Variants in CARD8 observed in about 807,000 individuals in gnomAD.
CARD8 encodes the protein caspase recruitment domain family member 8, also known as caspase recruitment domain-containing protein 8.
A neutral mutation model predicts 53.2 loss-of-function variants in CARD8; 38 were observed. The observed-to-expected ratio is 0.71, with a 90% CI of 0.55 to 0.94. The LOEUF (loss-of-function observed/expected upper bound fraction) is 0.94. Among genes scored for constraint, CARD8 ranks in the 40% least tolerant of loss-of-function variants. The pLI is 0.00. For missense variants in CARD8, 561 were observed against 655.5 expected, an observed-to-expected ratio of 0.86 and a Z score of 1.57; for synonymous variants, 245 against 244.9, an observed-to-expected ratio of 1.00 and a Z score of 0.00.
intron 10 of CARD8, among the ~76,000 whole-genome samples, chr19:48,224,604 T>C (rs905752286): frequency 6.6e-6 from 1 of 152,090 alleles, no homozygotes; most frequent in Admixed American, 6.5e-5. Context: ...ACAATAGATA[T>C]TTAGAGTTTG....
At chr19:48,213,654 G>A (rs1010593109) in intron 13 of CARD8, among the ~76,000 whole-genome samples, 1 of 152,196 alleles carries the variant, frequency 6.6e-6, no homozygotes, top group African/African-American at 2.4e-5. Context: ...GATTACAAGT[G>A]TGAGCCACTG....
At chr19:48,228,234 T>C (rs920434800) in intron 10 of CARD8, among the ~76,000 whole-genome samples, 1 of 152,238 alleles carries the variant, frequency 6.6e-6, no homozygotes, top group African/African-American at 2.4e-5. Flanking sequence ...TGGTGAGTTG[T>C]GTAATTATTT....
chr19:48,255,488 T>C (rs9676826), intron 1 of CARD8, among the ~76,000 whole-genome samples: 35,114 of 152,160 alleles, frequency 0.23, 4,168 homozygotes, highest in Middle Eastern at 0.33. Context: ...ACATAAACAT[T>C]GGTATAAAAA....
At chr19:48,236,495 T>C (rs530235395) in intron 5 of CARD8, among the ~76,000 whole-genome samples, 103 of 152,288 alleles carry the variant, frequency 6.8e-4, no homozygotes, top group Non-Finnish European at 1.0e-3. Context: ...ATTACACCTG[T>C]GAGCCACCGC....
chr19:48,242,601 C>T (rs113549264), intron 3 of CARD8: 2 of 152,214 alleles, frequency 1.3e-5, no homozygotes, highest in Non-Finnish European at 2.9e-5. Context: ...ATTCTCTTAT[C>T]CATTCAGCAG....
intron 3 of CARD8, among the ~76,000 whole-genome samples, chr19:48,246,963 C>T (rs1014481516): frequency 4.6e-5 from 7 of 152,186 alleles, no homozygotes; most frequent in Non-Finnish European, 2.9e-5. Flanking sequence ...TGATATACTC[C>T]TATACAAATA....
intron 10 of CARD8, among the ~76,000 whole-genome samples, chr19:48,228,795 G>A (rs2042277938): frequency 6.6e-6 from 1 of 152,102 alleles, no homozygotes; most frequent in Non-Finnish European, 1.5e-5. Context: ...CCCACATAAG[G>A]GAAGAGGGAA....
downstream of CARD8, chr19:48,204,336 T>G: frequency 2.6e-6 from 1 of 378,450 alleles, no homozygotes; most frequent in South Asian, 1.9e-5. Context: ...GCCGGAGGAA[T>G]CAGTCTGCAG....
intron 3 of CARD8, among the ~76,000 whole-genome samples, chr19:48,244,967 C>T (rs1327850826): frequency 1.3e-5 from 2 of 152,060 alleles, no homozygotes; most frequent in Admixed American, 6.6e-5. Context: ...AAAGGATAAC[C>T]TTGTGCTTCA....
chr19:48,204,248 A>G (rs2037258217), downstream of CARD8: 2 of 453,146 alleles, frequency 4.4e-6, no homozygotes, highest in Non-Finnish European at 8.9e-6. Flanking sequence ...GTAACCCTGG[A>G]GTGGAAGGAG....
At chr19:48,216,789 G>C (rs540041506) in intron 12 of CARD8, among the ~76,000 whole-genome samples, 8 of 152,290 alleles carry the variant, frequency 5.3e-5, no homozygotes, top group Non-Finnish European at 1.0e-4. Context: ...TTTAGTGGAA[G>C]ACAATTTTTT....
Position 48,234,413 on chromosome 19 carries a change from C to T in CARD8, c.340G>A (p.Asp114Asn). Residue 114 changes from aspartate (D) to asparagine (N), a missense_variant, in exon 6 of 14, where the codon GAC becomes AAC. Asp to Asn is a conservative substitution (Grantham distance 23). Coordinates refer to ENST00000651546, the MANE Select transcript of CARD8 (RefSeq NM_001184900.3). ...AVPECQLSGG[D>N]IPSVSEEQES... is the part of the protein sequence containing the mutation. ...AATAGCTTTTCTTACCTGGGAATGT[C>T]CCCCCCAGATAGTTGACACTCAGGA... 6.2e-7 allele frequency: 1 copy of T among 1,605,960 alleles called. No homozygotes were observed. The highest frequency in any genetic ancestry group is 8.5e-7 in the Non-Finnish European group (1 of 1,176,110).
chr19:48,235,475 G>A (rs942860895), intron 5 of CARD8, among the ~76,000 whole-genome samples: 3 of 152,078 alleles, frequency 2.0e-5, no homozygotes, highest in Non-Finnish European at 2.9e-5. Context: ...CCATGATGGT[G>A]AGGCCTCCCC....
intron 1 of CARD8, among the ~76,000 whole-genome samples, chr19:48,250,779 G>A (rs1218786715): frequency 1.3e-5 from 2 of 152,158 alleles, no homozygotes; most frequent in Admixed American, 1.3e-4. Flanking sequence ...GTTCAATTTT[G>A]TCTGTTCTAC....
chr19:48,251,864 G>A (rs1353235360), intron 1 of CARD8, among the ~76,000 whole-genome samples: 5 of 152,080 alleles, frequency 3.3e-5, no homozygotes, highest in East Asian at 3.9e-4. Context: ...AGAGCCCAGC[G>A]TCTGCACAGC....
chr19:48,229,171 A>C (rs1467758525), intron 10 of CARD8, among the ~76,000 whole-genome samples: 2 of 152,056 alleles, frequency 1.3e-5, no homozygotes, highest in African/African-American at 2.4e-5. Flanking sequence ...GAAAAAGAAC[A>C]AGGAGGCTTC....
In CARD8 at chr19:48,238,529, G is replaced by T; in HGVS notation, c.63C>A (p.Asp21Glu). 6.5e-7 allele frequency: 1 copy of T among 1,536,128 alleles called. No homozygotes were observed. Among genetic ancestry groups the T allele is most frequent in the Non-Finnish European group, 8.7e-7 (1 of 1,146,856 alleles). Residue 21 changes from aspartate (D) to glutamate (E), a missense_variant, in exon 5 of 14, where the codon GAC (aspartate) becomes GAA (glutamate). By Grantham distance (45) the Asp-to-Glu change is conservative. Coordinates refer to ENST00000651546, the MANE Select transcript of CARD8 (RefSeq NM_001184900.3). ...SSSEEELPRR[D>E]SGSSRNIDAS... is the part of the protein sequence containing the mutation. ...CATCTATGTTCCTACTGGATCCACTGTCCCTGGGAAAACACAAATGGAATT... is the reference window on the plus strand; with the variant it reads ...CATCTATGTTCCTACTGGATCCACTTTCCCTGGGAAAACACAAATGGAATT...
At chr19:48,233,404 C>A (rs1354508305) in intron 6 of CARD8, 1 of 456,078 alleles carries the variant, frequency 2.2e-6, no homozygotes, top group African/African-American at 2.0e-5. Flanking sequence ...AGAACAGGTA[C>A]CTAGAGAAGT....
chr19:48,204,270 A>G (rs1268551910), downstream of CARD8: 1 of 444,918 alleles, frequency 2.2e-6, no homozygotes, highest in Non-Finnish European at 4.5e-6. Context: ...CGGGGATTAG[A>G]GACCTCGCGG....
Sources: allele counts gnomAD v4.1 joint callset (sites outside exome capture counted in the v4.1 genomes callset), GRCh38; gene constraint gnomAD v4.1.1; transcripts MANE v1.5; gene names NCBI Gene and HGNC (gene_info 2026-07-23, HGNC 2026-07-21).